MCTP1: variants seen among roughly 807,000 people sequenced by gnomAD.
MCTP1 encodes the protein multiple C2 and transmembrane domain containing 1.
Under a neutral mutation model 120.6 loss-of-function variants are expected in MCTP1, and 69 were observed. The observed-to-expected ratio is 0.57, with a 90% confidence interval of 0.47 to 0.70. MCTP1 has a LOEUF of 0.70. Among genes scored for constraint, MCTP1 ranks in the 30% least tolerant of loss-of-function variants. MCTP1 has a pLI of 0.00. For missense variants in MCTP1, 1,203 were observed against 1,248.8 expected (o/e 0.96, Z 0.55); for synonymous variants, 529 against 493.1 (o/e 1.07, Z -0.96).
At chr5:94,868,111 T>C in intron 17 of MCTP1, 1 of 352,726 alleles carries the variant, frequency 2.8e-6, no homozygotes, top group Non-Finnish European at 5.0e-6. Context: ...TTGGCTGAGA[T>C]GTCTTGCGTT....
chr5:95,123,651 CT>C (rs67736041), intron 1 of MCTP1, among the ~76,000 whole-genome samples: 32,974 of 144,688 alleles, frequency 0.23, 3,473 homozygotes, highest in East Asian at 0.32. Flanking sequence ...ACAAGCTCTG[CT>C]TTTTTTTTTT....
At chr5:95,036,137 G>T (rs1191161205) in intron 1 of MCTP1, among the ~76,000 whole-genome samples, 1 of 152,140 alleles carries the variant, frequency 6.6e-6, no homozygotes, top group Non-Finnish European at 1.5e-5. Context: ...CTCTCAGAGG[G>T]ATAGTCTTGT....
intron 6 of MCTP1, 128 bp downstream of exon 6, chr5:94,931,825 T>C (rs1181819512): frequency 4.1e-5 from 30 of 726,544 alleles, no homozygotes; most frequent in Non-Finnish European, 6.4e-5. Context: ...CTTAAATTTA[T>C]GGGGAAAAGT....
chr5:94,967,531 C>T (rs1283699211), intron 2 of MCTP1, among the ~76,000 whole-genome samples: 1 of 152,118 alleles, frequency 6.6e-6, no homozygotes, highest in East Asian at 1.9e-4. Context: ...GTGTCATATC[C>T]CTGATGACAC....
At chr5:95,202,025 A>G (rs1751115765) in intron 1 of MCTP1, among the ~76,000 whole-genome samples, 1 of 152,094 alleles carries the variant, frequency 6.6e-6, no homozygotes, top group African/African-American at 2.4e-5. Flanking sequence ...ATAGCAGGAG[A>G]ACTGGTGAAG....
chr5:95,282,453 C>G lies in MCTP1; in HGVS notation c.720+1403G>C, dbSNP rs370526134. ...TGTAAAGTTCCCCAACTCTGAAATT[C>G]TTCTACATTAGGATTATGTACACGC... On this transcript the variant is annotated intron_variant, in intron 1 of 22. Coordinates refer to ENST00000515393, the MANE Select transcript of MCTP1 (RefSeq NM_024717.7). Among the ~76,000 whole-genome samples, 7 of 152,234 alleles carry G rather than the reference C, an allele frequency of 4.6e-5. No homozygotes were observed. In the East Asian group the frequency reaches 1.3e-3, roughly 29 times the overall value.
chr5:95,070,397 G>A (rs1751841645), intron 1 of MCTP1, among the ~76,000 whole-genome samples: 1 of 152,196 alleles, frequency 6.6e-6, no homozygotes, highest in Non-Finnish European at 1.5e-5. Flanking sequence ...TTGTCAACGG[G>A]GTTCCAATTC....
rs1011541196 is a variant in MCTP1, at chr5:95,054,131, T to A, written c.721-36647A>T. Among the ~76,000 whole-genome samples, 3 of 152,324 alleles carry A rather than the reference T, an allele frequency of 2.0e-5. No individual in the cohort carries two copies. The East Asian group carries it at 5.8e-4, about 29-fold the overall frequency. Reference sequence around the variant, plus strand: ...TTCAAATGTTTAAAGCTTGAAGTGATCTTATTCTGCTCCAATATGCCCAAG... The same window carrying A: ...TTCAAATGTTTAAAGCTTGAAGTGAACTTATTCTGCTCCAATATGCCCAAG... On this transcript the variant is annotated intron_variant, in intron 1 of 22. Transcript: ENST00000515393.
At chr5:94,897,697 T>G (rs1183582923) in intron 10 of MCTP1, among the ~76,000 whole-genome samples, 6 of 152,146 alleles carry the variant, frequency 3.9e-5, no homozygotes, top group Admixed American at 3.9e-4. Flanking sequence ...TTTTAGGTTT[T>G]GGTGGGCACA....
chr5:94,867,192 T>C (rs1796976118), intron 17 of MCTP1: 1 of 1,361,942 alleles, frequency 7.3e-7, no homozygotes, highest in Non-Finnish European at 9.6e-7. Flanking sequence ...ACAAAAAGAA[T>C]ACTGAGAGAG....
At chr5:95,198,155 A>C (rs1750602992) in intron 1 of MCTP1, among the ~76,000 whole-genome samples, 1 of 152,106 alleles carries the variant, frequency 6.6e-6, no homozygotes, top group African/African-American at 2.4e-5. Flanking sequence ...ATATGCACAC[A>C]CACATAAATA....
At position 94,705,531 on chromosome 5, in the gene MCTP1, T is replaced by C. The variant is rs1030859360; in HGVS notation, c.*1965A>G. The stretch of plus-strand genomic sequence containing the variant: ...CCAAAAAAAAAAAAAAAAGGAGTGC[T>C]GATTATACGTGGGAAAGATTATTTT... On this transcript the variant is annotated 3_prime_UTR_variant, in exon 23 of 23. Coordinates refer to ENST00000515393, the MANE Select transcript of MCTP1 (RefSeq NM_024717.7). The C allele has an allele frequency of 1.3e-5, 2 of 148,710 alleles. No homozygotes were observed. The highest frequency in any genetic ancestry group is 2.5e-5 in the African/African-American group (1 of 40,724). The allele number at this position is 148,710 out of a possible 1,614,324, so 9.2% of individuals were successfully genotyped here.
chr5:94,814,113 C>G (rs1017719171), intron 17 of MCTP1, among the ~76,000 whole-genome samples: 3 of 152,102 alleles, frequency 2.0e-5, no homozygotes, highest in African/African-American at 7.2e-5. Context: ...TACTAAAAAC[C>G]AGTGAATTCT....
Position 95,145,049 on chromosome 5 carries a change from T to C in MCTP1, c.721-127565A>G, listed in dbSNP as rs146267577. On this transcript the variant is annotated intron_variant, in intron 1 of 22. Coordinates refer to ENST00000515393, the MANE Select transcript of MCTP1 (RefSeq NM_024717.7). ...TCCATGAGCATGGAATACTCTTCCA[T>C]TTATTTGTGCCATCTATGATTTCTT... Among the ~76,000 whole-genome samples the C allele has an allele frequency of 3.1e-3, 466 of 152,272 alleles. 1 individual carries two copies. The highest frequency in any genetic ancestry group is 0.011 in the African/African-American group (445 of 41,558).
At chr5:95,055,206 T>C (rs1051744951) in intron 1 of MCTP1, among the ~76,000 whole-genome samples, 1 of 152,070 alleles carries the variant, frequency 6.6e-6, no homozygotes, top group Non-Finnish European at 1.5e-5. Context: ...TCCAATGGAG[T>C]GTTTCCTATT....
chr5:94,803,649 C>T (rs1948862), intron 17 of MCTP1, among the ~76,000 whole-genome samples: 4,527 of 152,222 alleles, frequency 0.03, 78 homozygotes, highest in Non-Finnish European at 0.035. Context: ...TTTTTTTTGG[C>T]CCTTCTAGCA....
intron 16 of MCTP1, among the ~76,000 whole-genome samples, chr5:94,868,874 A>T (rs1196398732): frequency 6.6e-6 from 1 of 151,858 alleles, no homozygotes; most frequent in African/African-American, 2.4e-5. Context: ...TTATAGAAAA[A>T]CCTATCCAGA....
chr5:94,875,331 C>G (rs974540143), intron 12 of MCTP1, among the ~76,000 whole-genome samples: 1 of 151,992 alleles, frequency 6.6e-6, no homozygotes, highest in Non-Finnish European at 1.5e-5. Context: ...CAGGCATTTC[C>G]AGGAATATCC....
At chr5:94,853,315 T>G (rs765453250) in intron 17 of MCTP1, among the ~76,000 whole-genome samples, 7 of 151,990 alleles carry the variant, frequency 4.6e-5, no homozygotes, top group Non-Finnish European at 1.0e-4. Context: ...ATGGATGCAT[T>G]AGAAAGGACT....
Sources: gnomAD v4.1 joint callset for allele counts (sites outside exome capture counted in the v4.1 genomes callset) on GRCh38, gnomAD v4.1.1 for gene constraint, MANE v1.5 for transcripts, NCBI Gene and HGNC (gene_info 2026-07-23, HGNC 2026-07-21) for gene names.